SGCZ: variants seen among roughly 807,000 people sequenced by gnomAD.
SGCZ encodes the protein sarcoglycan zeta.
SGCZ carries 40 observed loss-of-function variants against 41.3 expected under a neutral mutation model. The ratio of observed to expected loss-of-function variants is 0.97; its 90% confidence interval spans 0.75 to 1.26. SGCZ has a LOEUF of 1.26. Among genes scored for constraint, SGCZ ranks in the 50% most tolerant of loss-of-function variants. SGCZ has a pLI of 0.00. For missense variants in SGCZ, 552 were observed against 369.8 expected (o/e 1.49, Z -4.04); for synonymous variants, 206 against 137.5 (o/e 1.50, Z -3.49).
intron 1 of SGCZ, among the ~76,000 whole-genome samples, chr8:14,747,095 T>A (rs940248542): frequency 1.3e-5 from 2 of 152,174 alleles, no homozygotes; most frequent in African/African-American, 4.8e-5. Context: ...TGGGGTAAGA[T>A]TGTATATTAT....
intron 1 of SGCZ, among the ~76,000 whole-genome samples, chr8:14,924,209 T>A (rs1208669379): frequency 6.6e-6 from 1 of 152,234 alleles, no homozygotes; most frequent in Non-Finnish European, 1.5e-5. Flanking sequence ...TTCTTTCTCC[T>A]ACTAATGTAT....
At chr8:14,341,092 G>A (rs891516855) in intron 2 of SGCZ, among the ~76,000 whole-genome samples, 1 of 152,122 alleles carries the variant, frequency 6.6e-6, no homozygotes, top group African/African-American at 2.4e-5. Context: ...CTATGTTGTA[G>A]CATGTGTCAA....
chr8:14,223,288 T>A (rs896840163), intron 4 of SGCZ, among the ~76,000 whole-genome samples: 1 of 152,066 alleles, frequency 6.6e-6, no homozygotes, highest in Non-Finnish European at 1.5e-5. Context: ...TTTTCTCATA[T>A]TTTTTCATTT....
At chr8:14,153,902 GTCTC>G (rs140286697) in intron 5 of SGCZ, among the ~76,000 whole-genome samples, 21,259 of 146,122 alleles carry the variant, frequency 0.15, 1,751 homozygotes, top group Middle Eastern at 0.23. Context: ...CAGTCTGTCT[GTCTC>G]TCTCTCTCTC....
At chr8:14,831,779 C>A (rs7814597) in intron 1 of SGCZ, among the ~76,000 whole-genome samples, 2 of 139,816 alleles carry the variant, frequency 1.4e-5, no homozygotes, top group Admixed American at 7.0e-5. Flanking sequence ...TATACACACA[C>A]GTATATATGT....
chr8:14,636,093 T>C (rs1361223728), intron 1 of SGCZ, among the ~76,000 whole-genome samples: 1 of 150,738 alleles, frequency 6.6e-6, no homozygotes, highest in Non-Finnish European at 1.5e-5. Flanking sequence ...TATAAAAAAA[T>C]CTAGAGATGA....
At chr8:14,159,347 T>C (rs1803973018) in intron 5 of SGCZ, among the ~76,000 whole-genome samples, 1 of 152,130 alleles carries the variant, frequency 6.6e-6, no homozygotes, top group Admixed American at 6.6e-5. Flanking sequence ...AGTTTTGCTT[T>C]CACAAAACTA....
At chr8:14,200,660 G>GA (rs1041148201) in intron 4 of SGCZ, among the ~76,000 whole-genome samples, 3 of 151,948 alleles carry the variant, frequency 2.0e-5, no homozygotes, top group East Asian at 1.9e-4. Flanking sequence ...GGAATATATA[G>GA]AAAAAATAAG....
chr8:14,767,828 G>A (rs932573992), intron 1 of SGCZ, among the ~76,000 whole-genome samples: 1 of 152,104 alleles, frequency 6.6e-6, no homozygotes, highest in Non-Finnish European at 1.5e-5. Context: ...TAAGGGCAGA[G>A]ACTCAATTTA....
intron 3 of SGCZ, among the ~76,000 whole-genome samples, chr8:14,242,371 A>G (rs1473113257): frequency 6.6e-6 from 1 of 152,188 alleles, no homozygotes; most frequent in Non-Finnish European, 1.5e-5. Context: ...TTACAATAAA[A>G]CCATCCACGA....
intron 1 of SGCZ, among the ~76,000 whole-genome samples, chr8:14,845,024 A>G (rs1485281018): frequency 6.6e-6 from 1 of 152,196 alleles, no homozygotes; most frequent in Non-Finnish European, 1.5e-5. Flanking sequence ...GATAGACTTC[A>G]GAAGAGACAA....
At chr8:14,225,936 C>T (rs1806357275) in intron 4 of SGCZ, among the ~76,000 whole-genome samples, 1 of 152,032 alleles carries the variant, frequency 6.6e-6, no homozygotes, top group Admixed American at 6.6e-5. Context: ...AATAAAGTTA[C>T]ACACGTATCA....
At chr8:14,611,089 T>C (rs551287647) in intron 1 of SGCZ, among the ~76,000 whole-genome samples, 24 of 152,332 alleles carry the variant, frequency 1.6e-4, no homozygotes, top group African/African-American at 5.5e-4. Flanking sequence ...ATCAGCTGGA[T>C]AGAGATTCAT....
At chr8:15,174,785 C>T (rs1447920230) in intron 1 of SGCZ, among the ~76,000 whole-genome samples, 1 of 152,176 alleles carries the variant, frequency 6.6e-6, no homozygotes, top group Non-Finnish European at 1.5e-5. Flanking sequence ...TGTGCATTTC[C>T]TTGACTAGCG....
chr8:14,631,263 T>A (rs2117397939), intron 1 of SGCZ, among the ~76,000 whole-genome samples: 1 of 144,582 alleles, frequency 6.9e-6, no homozygotes, highest in Non-Finnish European at 1.5e-5. Flanking sequence ...AAGGTAGTGA[T>A]AATACAGAAC....
intron 1 of SGCZ, among the ~76,000 whole-genome samples, chr8:14,844,841 A>G (rs1013244583): frequency 3.9e-5 from 6 of 152,124 alleles, no homozygotes; most frequent in African/African-American, 9.7e-5. Flanking sequence ...TAGGACAGTG[A>G]CCTCTGAAAG....
chr8:15,158,986 T>G (rs145189381), intron 1 of SGCZ, among the ~76,000 whole-genome samples: 2 of 152,320 alleles, frequency 1.3e-5, no homozygotes, highest in East Asian at 3.9e-4. Flanking sequence ...AAAGTGATGG[T>G]TTTTGTCTGC....
chr8:15,088,933 C>G (rs1354905060), intron 1 of SGCZ, among the ~76,000 whole-genome samples: 1 of 152,074 alleles, frequency 6.6e-6, no homozygotes, highest in African/African-American at 2.4e-5. Flanking sequence ...TCTCATTTTC[C>G]TTAGAATTTA....
intron 1 of SGCZ, among the ~76,000 whole-genome samples, chr8:15,145,448 A>G (rs1799011124): frequency 6.6e-6 from 1 of 152,190 alleles, no homozygotes; most frequent in Non-Finnish European, 1.5e-5. Context: ...ATGTGAATTA[A>G]GCCACTTAGT....
Sources: allele counts gnomAD v4.1 joint callset (sites outside exome capture counted in the v4.1 genomes callset), GRCh38; gene constraint gnomAD v4.1.1; transcripts MANE v1.5; gene names NCBI Gene and HGNC (gene_info 2026-07-23, HGNC 2026-07-21).